Variants in NAALADL2 observed in about 807,000 individuals in gnomAD.
NAALADL2 encodes the protein inactive N-acetylated-alpha-linked acidic dipeptidase-like protein 2.
A neutral mutation model predicts 87.2 loss-of-function variants in NAALADL2; 76 were observed. The observed-to-expected ratio is 0.87, with a 90% CI of 0.72 to 1.05. The LOEUF (loss-of-function observed/expected upper bound fraction) is 1.05, where lower values mean the gene tolerates loss of function less well. Ranked by LOEUF, NAALADL2 falls within the 50% of genes least tolerant of loss-of-function variation. The probability of loss-of-function intolerance (pLI) is 0.00; values close to 1 mark genes in which losing one functional copy is unlikely to be tolerated. For synonymous variants in NAALADL2, 354 were observed against 331.0 expected (o/e 1.07, Z -0.75); for missense variants, 1,089 against 945.8 (o/e 1.15, Z -1.99).
intron 2 of NAALADL2, among the ~76,000 whole-genome samples, chr3:174,670,445 A>G (rs1726424554): frequency 6.6e-6 from 1 of 151,974 alleles, no homozygotes; most frequent in East Asian, 1.9e-4. Context: ...GTCTTTTCCT[A>G]TTACTTATTT....
At chr3:175,762,145 A>G (rs6790402) in intron 13 of NAALADL2, among the ~76,000 whole-genome samples, 25,590 of 146,186 alleles carry the variant, frequency 0.18, 2,607 homozygotes, top group African/African-American at 0.29. Flanking sequence ...TAGGTCTATG[A>G]TCCATTCTGA....
At chr3:175,296,844 T>C (rs1756452370) in intron 4 of NAALADL2, among the ~76,000 whole-genome samples, 1 of 152,150 alleles carries the variant, frequency 6.6e-6, no homozygotes, top group South Asian at 2.1e-4. Context: ...TGATTTGATT[T>C]TGAGCATTTC....
chr3:175,780,393 C>A (rs887551057), intron 13 of NAALADL2, among the ~76,000 whole-genome samples: 1 of 152,106 alleles, frequency 6.6e-6, no homozygotes, highest in East Asian at 1.9e-4. Context: ...GTATACGTAT[C>A]ACATATGCAA....
At chr3:175,011,052 TC>T (rs1749715491) in intron 1 of NAALADL2, among the ~76,000 whole-genome samples, 1 of 152,122 alleles carries the variant, frequency 6.6e-6, no homozygotes, top group African/African-American at 2.4e-5. Context: ...ATGTCTTGGC[TC>T]TTGGGATTTG....
At chr3:175,476,666 G>C (rs1725744224) in intron 9 of NAALADL2, among the ~76,000 whole-genome samples, 1 of 152,074 alleles carries the variant, frequency 6.6e-6, no homozygotes, top group Non-Finnish European at 1.5e-5. Context: ...TTATGCTTCT[G>C]CTCTTTTCTT....
chr3:175,215,228 A>G (rs1389391618), intron 2 of NAALADL2, among the ~76,000 whole-genome samples: 1 of 152,152 alleles, frequency 6.6e-6, no homozygotes, highest in Non-Finnish European at 1.5e-5. Flanking sequence ...TGATGTGAAC[A>G]TTTATAAGTC....
intron 5 of NAALADL2, among the ~76,000 whole-genome samples, chr3:175,440,939 T>G (rs948711833): frequency 6.6e-6 from 1 of 152,138 alleles, no homozygotes; most frequent in Non-Finnish European, 1.5e-5. Context: ...ATTTGTTATT[T>G]AGAAATAGCT....
intron 5 of NAALADL2, among the ~76,000 whole-genome samples, chr3:175,392,289 A>C (rs560258623): frequency 1.3e-5 from 2 of 152,328 alleles, no homozygotes; most frequent in Non-Finnish European, 1.5e-5. Flanking sequence ...AGAAACGTTA[A>C]AGCTGTGGTC....
intron 2 of NAALADL2, among the ~76,000 whole-genome samples, chr3:174,636,462 A>G (rs1458604898): frequency 1.3e-5 from 2 of 152,186 alleles, no homozygotes; most frequent in East Asian, 3.8e-4. Context: ...CAGTAAAAAT[A>G]TACAAATAAT....
rs144254231 is a variant in NAALADL2, at chr3:175,499,770, T to C, written c.1653+28012T>C. On this transcript the variant is annotated intron_variant, in intron 9 of 13. Coordinates refer to ENST00000454872, the MANE Select transcript of NAALADL2 (RefSeq NM_207015.3). ...GCCTCTTACATATTAGCTGTGTTTT[T>C]ATTACAGTATTAGTCATTTCCTCAA... Among the ~76,000 whole-genome samples, 445 of 152,236 alleles carry C rather than the reference T, an allele frequency of 2.9e-3. 3 individuals carry two copies. The highest frequency in any genetic ancestry group is 0.01 in the African/African-American group (419 of 41,574).
intron 2 of NAALADL2, among the ~76,000 whole-genome samples, chr3:174,719,848 G>C (rs1731542107): frequency 6.6e-6 from 1 of 152,092 alleles, no homozygotes; most frequent in African/African-American, 2.4e-5. Flanking sequence ...GCCTGGAGTG[G>C]AGTGCCAGCC....
chr3:175,722,043 G>T (rs192910428), intron 11 of NAALADL2, among the ~76,000 whole-genome samples: 4 of 151,756 alleles, frequency 2.6e-5, no homozygotes, highest in Admixed American at 6.6e-5. Context: ...CCATCAATTT[G>T]GATTCTATTT....
At chr3:175,153,903 TG>T (rs1295534960) in intron 2 of NAALADL2, among the ~76,000 whole-genome samples, 2 of 152,212 alleles carry the variant, frequency 1.3e-5, no homozygotes, top group Admixed American at 6.5e-5. Flanking sequence ...GGTCGTTCAC[TG>T]AAGGGAGCTT....
chr3:174,648,524 T>A (rs926366275), intron 2 of NAALADL2, among the ~76,000 whole-genome samples: 5 of 152,140 alleles, frequency 3.3e-5, no homozygotes, highest in Non-Finnish European at 7.4e-5. Flanking sequence ...CATGGTTCCA[T>A]ACAACTCTTC....
chr3:175,556,482 T>C (rs1355876735), intron 9 of NAALADL2, among the ~76,000 whole-genome samples: 2 of 152,164 alleles, frequency 1.3e-5, no homozygotes, highest in African/African-American at 4.8e-5. Context: ...CCTTAAAAAA[T>C]AGCTCTCAAG....
intron 13 of NAALADL2, among the ~76,000 whole-genome samples, chr3:175,796,993 G>T (rs904100389): frequency 1.3e-5 from 2 of 149,592 alleles, no homozygotes; most frequent in Non-Finnish European, 3.0e-5. Context: ...GAAAAGATTT[G>T]TCAGTTGAGT....
intron 3 of NAALADL2, among the ~76,000 whole-genome samples, chr3:174,762,031 A>T (rs561139242): frequency 1.3e-5 from 2 of 152,074 alleles, no homozygotes; most frequent in Non-Finnish European, 2.9e-5. Flanking sequence ...GGTATGTTCA[A>T]TGTCATGCCT....
rs141669387 is a variant in NAALADL2, at chr3:174,648,568, C to T, written c.-114-89073C>T. Reference sequence around the variant, plus strand: ...GACAACCCTAAAAAGAAAAATGTTACTTTATTTATGGTTTCCAGTATAGCA... The same window carrying T: ...GACAACCCTAAAAAGAAAAATGTTATTTTATTTATGGTTTCCAGTATAGCA... On this transcript the variant is annotated intron_variant, in intron 2 of 3. Coordinates refer to the NAALADL2 transcript ENST00000434257. Among the ~76,000 whole-genome samples the T allele has an allele frequency of 3.1e-3, 469 of 152,110 alleles. 8 individuals are homozygous for T. Among genetic ancestry groups the T allele is most frequent in the South Asian group, 0.019 (91 of 4,824 alleles).
intron 12 of NAALADL2, among the ~76,000 whole-genome samples, chr3:175,746,430 A>G (rs1561076842): frequency 1.3e-5 from 2 of 151,746 alleles, no homozygotes; most frequent in African/African-American, 4.8e-5. Context: ...AGCACCGTAC[A>G]GTTTGCCTGA....
Sources: allele counts gnomAD v4.1 joint callset (sites outside exome capture counted in the v4.1 genomes callset), GRCh38; gene constraint gnomAD v4.1.1; transcripts MANE v1.5; gene names NCBI Gene and HGNC (gene_info 2026-07-23, HGNC 2026-07-21).